The following SVEP1 variants were observed in gnomAD, a reference collection of about 807,000 sequenced individuals.
SVEP1 encodes sushi, von Willebrand factor type A, EGF and pentraxin domain containing 1.
SVEP1 carries 164 observed loss-of-function variants against 367.3 expected under a neutral mutation model. The ratio of observed to expected loss-of-function variants is 0.45; its 90% CI spans 0.39 to 0.51. The LOEUF is 0.51. Ranked by LOEUF, SVEP1 falls within the 20% of genes least tolerant of loss-of-function variation. The pLI, the probability that SVEP1 is intolerant of heterozygous loss-of-function variation, is 0.00. For synonymous variants in SVEP1, 1,666 were observed against 1,611.6 expected (o/e 1.03, Z -0.81); for missense variants, 4,117 against 4,425.3 (o/e 0.93, Z 1.98).
intron 40 of SVEP1, among the ~76,000 whole-genome samples, chr9:110,399,660 A>G (rs1219957015): frequency 6.6e-6 from 1 of 151,862 alleles, no homozygotes; most frequent in Non-Finnish European, 1.5e-5. Context: ...CAGCCTCCTG[A>G]GTCGCTGGGA....
chr9:110,469,439 A>G (rs2118663519), intron 16 of SVEP1, among the ~76,000 whole-genome samples: 1 of 152,336 alleles, frequency 6.6e-6, no homozygotes, highest in Non-Finnish European at 1.5e-5. Context: ...TGATGGAGAA[A>G]AAAGGAAAAA....
Position 110,550,828 on chromosome 9 carries a change from C to T in SVEP1, c.532-724G>A, listed in dbSNP as rs574673355. 1.9e-3 allele frequency among the ~76,000 whole-genome samples: 284 copies of T among 152,280 alleles called. 2 individuals are homozygous for T. The highest frequency in any genetic ancestry group is 6.1e-3 in the African/African-American group (255 of 41,562). ...ATTCTGTTTTACAATGATATATGCT[C>T]TTCCTTCTCTACAGATAGAATTTTA... On this transcript the variant is annotated intron_variant, in intron 1 of 47. Coordinates refer to ENST00000374469, the MANE Select transcript of SVEP1 (RefSeq NM_153366.4).
intron 40 of SVEP1, among the ~76,000 whole-genome samples, chr9:110,389,974 C>T (rs1448133454): frequency 2.1e-5 from 3 of 146,292 alleles, no homozygotes; most frequent in African/African-American, 7.6e-5. Context: ...CAATAGAGTA[C>T]TATTTGGCCA....
At chr9:110,444,593 T>C (rs1260763824) in intron 26 of SVEP1, among the ~76,000 whole-genome samples, 4 of 152,148 alleles carry the variant, frequency 2.6e-5, no homozygotes, top group African/African-American at 9.7e-5. Context: ...AATAACTGTG[T>C]CATTCAGGGA....
chr9:110,437,568 T>C (rs1272540629), intron 27 of SVEP1, among the ~76,000 whole-genome samples: 2 of 152,202 alleles, frequency 1.3e-5, no homozygotes, highest in African/African-American at 4.8e-5. Flanking sequence ...TCATTCTCAG[T>C]CTCCCTTCTC....
At position 110,489,787 on chromosome 9, in the gene SVEP1, A is replaced by G. The variant is rs1207485167; in HGVS notation, c.1801-8T>C. On this transcript the variant is annotated splice_region_variant and splice_polypyrimidine_tract_variant and intron_variant, in intron 8 of 47. Coordinates refer to ENST00000374469, the MANE Select transcript of SVEP1 (RefSeq NM_153366.4). ...ATGAACGTGGACTGACACCTATTGG[A>G]GATACACAAATATTTTGAAAGTTAA... 6.2e-7 allele frequency: 1 copy of G among 1,602,394 alleles called. No individual in the cohort carries two copies.
intron 3 of SVEP1, among the ~76,000 whole-genome samples, chr9:110,528,148 G>GTATA (rs1437524359): frequency 6.3e-5 from 2 of 31,866 alleles, no homozygotes; most frequent in African/African-American, 1.0e-4. Context: ...GTGTGTGTGT[G>GTATA]TGTGTGTGTA....
chr9:110,514,535 A>T (rs2118779732), intron 3 of SVEP1, among the ~76,000 whole-genome samples: 1 of 151,782 alleles, frequency 6.6e-6, no homozygotes, highest in East Asian at 1.9e-4. Context: ...AAAAAGAAAG[A>T]AAGAAAAAGA....
chr9:110,579,656 G>C lies in SVEP1; in HGVS notation c.-113C>G. On this transcript the variant is annotated 5_prime_UTR_variant, in exon 1 of 48. Coordinates refer to ENST00000374469, the MANE Select transcript of SVEP1 (RefSeq NM_153366.4). The surrounding 1 kb of genome is among the most constrained non-coding windows in gnomAD (Gnocchi z 5.3). The stretch of plus-strand genomic sequence containing the variant: ...TGCGCGGAGCTGGGCGCGGGGCAGC[G>C]GCCAAGAGCCTCAGCGCCCTTTCAT... 2.3e-6 allele frequency: 3 copies of C among 1,283,358 alleles called. No homozygotes were observed. The highest frequency in any genetic ancestry group is 2.0e-6 in the Non-Finnish European group (2 of 980,386). 79.5% of individuals were successfully genotyped at this position (1,283,358 alleles called of 1,614,324 possible). A position where few individuals can be genotyped will look rare whatever the true frequency, so the allele number is the denominator to read the frequency against.
rs372549472 is a variant in SVEP1 at position 110,483,553 on chromosome 9, A to G, written c.2038+33T>C. 4.6e-6 allele frequency: 7 copies of G among 1,514,902 alleles called. No individual in the cohort carries two copies. In the African/African-American group the frequency reaches 8.4e-5, roughly 18 times the overall value. 93.8% of individuals were successfully genotyped at this position (1,514,902 alleles called of 1,614,324 possible). On this transcript the variant is annotated intron_variant, in intron 10 of 47. Coordinates refer to ENST00000374469, the MANE Select transcript of SVEP1 (RefSeq NM_153366.4). ...TTAAAATAAAAAAGAATTCATTGCT[A>G]CTATGCTGACAACAAAGTCCTTGTC...
At chr9:110,573,516 C>T (rs1830590005) in intron 1 of SVEP1, among the ~76,000 whole-genome samples, 1 of 152,272 alleles carries the variant, frequency 6.6e-6, no homozygotes, top group African/African-American at 2.4e-5. Context: ...ACAGCGCATC[C>T]CCCACCAGAG....
At position 110,375,433 on chromosome 9, in the gene SVEP1, C is replaced by A. The variant is rs1827335557; in HGVS notation, c.10535G>T (p.Gly3512Val). ...PICILPCLNG[G>V]RCVAPYQCDC... Reference sequence around the variant, plus strand: ...ACACTGGTAAGGGGCCACACAGCGACCTCCGTTCAGACAGGGAAGAATGCA... The same window carrying A: ...ACACTGGTAAGGGGCCACACAGCGAACTCCGTTCAGACAGGGAAGAATGCA... The change falls in exon 46 of 48, where the codon GGT becomes GTT. Residue 3512 changes from glycine to valine, a missense_variant. By Grantham distance (109) the Gly-to-Val change is moderately radical. Coordinates refer to ENST00000374469, the MANE Select transcript of SVEP1 (RefSeq NM_153366.4). 2.8e-6 allele frequency: 4 copies of A among 1,450,684 alleles called. No homozygotes were observed. The highest frequency in any genetic ancestry group is 1.5e-5 in the African/African-American group (1 of 64,812). 89.9% of individuals were successfully genotyped at this position (1,450,684 alleles called of 1,614,324 possible).
chr9:110,479,656 A>T lies in SVEP1; in HGVS notation c.2466T>A (p.Phe822Leu), dbSNP rs1829154670. Residue 822 changes from phenylalanine to leucine, a missense_variant, in exon 13 of 48, where the codon TTT becomes TTA. Phe to Leu is a conservative substitution (Grantham distance 22, BLOSUM62 0). Coordinates refer to ENST00000374469, the MANE Select transcript of SVEP1 (RefSeq NM_153366.4). ...GTACCATTTTTCCCAGGGTCGTCTC[A>T]AATGCTTCAGAAAACTTCTTCATCA... is the stretch of plus-strand genomic sequence containing the variant. ...TDLMKKFSEA[F>L]ETTLGKMVPS... The T allele has an allele frequency of 1.9e-6, 3 of 1,609,342 alleles. No individual in the cohort carries two copies.
At chr9:110,429,803 T>C in intron 34 of SVEP1, 117 bp downstream of exon 34, 1 of 757,112 alleles carries the variant, frequency 1.3e-6, no homozygotes, top group Non-Finnish European at 2.2e-6. Context: ...ATTAATTACA[T>C]ATTAATTCAA....
chr9:110,553,079 T>C (rs1048037670), intron 1 of SVEP1, among the ~76,000 whole-genome samples: 1 of 152,014 alleles, frequency 6.6e-6, no homozygotes, highest in African/African-American at 2.4e-5. Flanking sequence ...CCAACAGACA[T>C]GCGGATGACC....
chr9:110,436,530 A>T (rs1425757908), intron 27 of SVEP1, 26 bp from the exon 28 acceptor site: 5 of 1,608,454 alleles, frequency 3.1e-6, no homozygotes, highest in African/African-American at 2.7e-5. Context: ...GAGAAAGAAA[A>T]GGAGGAAAAC....
intron 3 of SVEP1, among the ~76,000 whole-genome samples, chr9:110,544,131 C>T (rs1830188287): frequency 1.3e-5 from 2 of 151,402 alleles, no homozygotes; most frequent in African/African-American, 4.9e-5. Flanking sequence ...AGGAAATGTC[C>T]CAAGAGAAGG....
At chr9:110,513,209 T>A (rs1350885081) in intron 4 of SVEP1, 104 bp from the exon 5 acceptor site, 1 of 1,072,242 alleles carries the variant, frequency 9.3e-7, no homozygotes, top group East Asian at 2.6e-5. Context: ...TATGTGTCAA[T>A]TGCCTACAGC....
intron 8 of SVEP1, among the ~76,000 whole-genome samples, chr9:110,492,907 A>G (rs1466697564): frequency 1.3e-5 from 2 of 152,076 alleles, no homozygotes; most frequent in Non-Finnish European, 2.9e-5. Context: ...AGGGGCACAT[A>G]TGAATGTAGA....
Sources: gnomAD v4.1 joint callset for allele counts (sites outside exome capture counted in the v4.1 genomes callset) on GRCh38, gnomAD v4.1.1 for gene constraint, Gnocchi (gnomAD v3.1) non-coding constraint, MANE v1.5 for transcripts, NCBI Gene and HGNC (gene_info 2026-07-23, HGNC 2026-07-21) for gene names.